Variants in KIF19 observed in about 807,000 individuals in gnomAD.
KIF19 encodes kinesin family member 19.
Under a neutral mutation model 106.6 loss-of-function variants are expected in KIF19, and 98 were observed. The observed-to-expected ratio is 0.92, with a 90% CI of 0.78 to 1.09. KIF19 has a LOEUF of 1.09. Ranked by LOEUF, KIF19 falls within the 50% of genes least tolerant of loss-of-function variation. The pLI is 0.00. For missense variants in KIF19, 1,373 were observed against 1,414.3 expected, an observed-to-expected ratio of 0.97 and a Z score of 0.47; for synonymous variants, 516 against 584.2, an observed-to-expected ratio of 0.88 and a Z score of 1.68.
rs1395317066 is a variant in KIF19 at position 74,350,756 on chromosome 17, C to T, written c.1438C>T (p.Arg480Ter). ...RRALKWREEQ[R>*]KECYAKDDSE... ...GGCCCTCAAATGGCGGGAGGAGCAG[C>T]GAAAGGAGTGCTACGCTAAGGACGA... The change falls in exon 12 of 20, where the codon CGA becomes TGA. Residue 480 changes from arginine to a stop codon, truncating the protein, a stop_gained. Transcript: ENST00000389916. LOFTEE classifies it high-confidence loss of function. 1.3e-5 allele frequency: 21 copies of T among 1,613,798 alleles called. No homozygotes were observed. The East Asian group carries it at 3.1e-4, about 24-fold the overall frequency.
At position 74,342,737 on chromosome 17, in the gene KIF19, T is replaced by C; in HGVS notation, c.319+20T>C. On this transcript the variant is annotated intron_variant, in intron 4 of 19. Coordinates refer to ENST00000389916, the MANE Select transcript of KIF19 (RefSeq NM_153209.4). ...CCACAGGTAAGGGGAATGCCCAGAC[T>C]GTGGGCGAGGACCGCAATGCCCCTG... The C allele has an allele frequency of 6.2e-7, 1 of 1,606,306 alleles. No homozygotes were observed. The highest frequency in any genetic ancestry group is 1.1e-5 in the South Asian group (1 of 90,962).
intron 1 of KIF19, among the ~76,000 whole-genome samples, chr17:74,327,467 C>CTTTTG (rs372089417): frequency 1.8e-4 from 27 of 152,244 alleles, no homozygotes; most frequent in East Asian, 3.9e-4. Flanking sequence ...CTGAAAGTGC[C>CTTTTG]TTTTGTTTTG....
intron 7 of KIF19, among the ~76,000 whole-genome samples, chr17:74,345,735 C>T (rs1026272980): frequency 7.9e-5 from 12 of 152,144 alleles, no homozygotes; most frequent in African/African-American, 1.4e-4. Flanking sequence ...CATCTGGGGT[C>T]GGATCCGAAC....
rs567683553 is a variant in KIF19, at chr17:74,344,698, G to T, written c.583-63G>T. 6 of 1,520,866 alleles carry T rather than the reference G, an allele frequency of 3.9e-6. No individual in the cohort carries two copies. The South Asian group carries it at 7.3e-5, about 19-fold the overall frequency. The allele number at this position is 1,520,866 out of a possible 1,614,324, so 94.2% of individuals were successfully genotyped here. On this transcript the variant is annotated intron_variant, in intron 6 of 19. Coordinates refer to ENST00000389916, the MANE Select transcript of KIF19 (RefSeq NM_153209.4). Reference sequence around the variant, plus strand: ...ACCCTCCCTGCTAGCCCCCTCAGGGGCTCCTCTCTGCCGGAGCACCTACGG... The same window carrying T: ...ACCCTCCCTGCTAGCCCCCTCAGGGTCTCCTCTCTGCCGGAGCACCTACGG...
chr17:74,348,367 A>G (rs2054597617), intron 9 of KIF19, among the ~76,000 whole-genome samples: 1 of 152,254 alleles, frequency 6.6e-6, no homozygotes, highest in Non-Finnish European at 1.5e-5. Context: ...GTGACTTCCC[A>G]GCTGGCCAGT....
intron 2 of KIF19, among the ~76,000 whole-genome samples, chr17:74,332,004 C>T (rs1219054365): frequency 6.6e-6 from 1 of 152,098 alleles, no homozygotes; most frequent in Non-Finnish European, 1.5e-5. Flanking sequence ...AGGCACAGTG[C>T]ATAACACAGT....
rs1261898541 is a variant in KIF19 at position 74,347,845 on chromosome 17, G to A, written c.993G>A (p.Glu331=). The part of the protein sequence containing the change: ...AHISPASSAF[E]ESRNTLTYAG... ...TCAGTCCTGCGAGCAGTGCCTTCGA[G>A]GAGTCCCGGAACACCCTGACCTACG... Residue 331 remains glutamate (E), a synonymous_variant, in exon 9 of 20, where the codon GAG becomes GAA. Coordinates refer to ENST00000389916, the MANE Select transcript of KIF19 (RefSeq NM_153209.4). 6.3e-7 allele frequency: 1 copy of A among 1,586,586 alleles called. No homozygotes were observed. The highest frequency in any genetic ancestry group is 1.8e-5 in the Admixed American group (1 of 55,932).
chr17:74,347,044 A>T (rs1410857591), intron 8 of KIF19, among the ~76,000 whole-genome samples: 3 of 152,156 alleles, frequency 2.0e-5, no homozygotes, highest in Non-Finnish European at 4.4e-5. Flanking sequence ...ACATTTGCAG[A>T]TGAGGAAACT....
chr17:74,345,694 C>CAGAA (rs1424170914), intron 7 of KIF19, among the ~76,000 whole-genome samples: 1 of 152,138 alleles, frequency 6.6e-6, no homozygotes, highest in Non-Finnish European at 1.5e-5. Context: ...ATGACAGTGC[C>CAGAA]AGAAAGAATG....
chr17:74,329,543 G>A (rs1428810152), intron 2 of KIF19: 1 of 151,496 alleles, frequency 6.6e-6, no homozygotes, highest in Non-Finnish European at 1.5e-5. Flanking sequence ...TGCATGAGGG[G>A]AGAAATGTTG....
Position 74,353,200 on chromosome 17 carries a change from G to T in KIF19, c.2119G>T (p.Gly707Cys). The T allele has an allele frequency of 6.3e-7, 1 of 1,583,146 alleles. No homozygotes were observed. The highest frequency in any genetic ancestry group is 8.6e-7 in the Non-Finnish European group (1 of 1,164,830). ...ATCTTCCTCTGCCAACTTCAGTGAA[G>T]GCCACCACGTGTTCAAGGCTGGTAC... The part of the protein sequence containing the change: ...ALPPLSTESE[G>C]HHVFKAGTGA... The change falls in exon 16 of 20, where the codon GGC becomes TGC. Residue 707 changes from glycine to cysteine, a missense_variant. Transcript: ENST00000389916.
chr17:74,327,401 G>T (rs1012865831), intron 1 of KIF19, among the ~76,000 whole-genome samples: 1 of 152,262 alleles, frequency 6.6e-6, no homozygotes, highest in African/African-American at 2.4e-5. Context: ...CCTCCCGCCA[G>T]TGGAATTTGG....
At chr17:74,354,685 C>T in intron 18 of KIF19, 97 bp from the exon 19 acceptor site, 3 of 1,519,530 alleles carry the variant, frequency 2.0e-6, no homozygotes, top group African/African-American at 1.4e-5. Context: ...CCACCCTCCA[C>T]AGTCTCTGTC....
chr17:74,354,568 AG>A lies in KIF19; in HGVS notation c.2706+11del. 6.3e-7 allele frequency: 1 copy of A among 1,585,344 alleles called. No individual in the cohort carries two copies. The highest frequency in any genetic ancestry group is 1.3e-5 in the African/African-American group (1 of 74,572). The stretch of plus-strand genomic sequence containing the variant: ...AGGTCACCGGGCAAGGGGTGAGGCG[AG>A]GCGCAGGGGTGGGTGTCTAGGCACT... On this transcript the variant is annotated intron_variant, in intron 18 of 19. Coordinates refer to ENST00000389916, the MANE Select transcript of KIF19 (RefSeq NM_153209.4).
At chr17:74,355,050 G>A (rs2054840651) in intron 19 of KIF19, 109 bp downstream of exon 19, 1 of 1,545,512 alleles carries the variant, frequency 6.5e-7, no homozygotes, top group South Asian at 1.2e-5. Flanking sequence ...CTGGAAGCAT[G>A]GTTCTAGCAG....
At position 74,350,701 on chromosome 17, in the gene KIF19, C is replaced by T. The variant is rs371977905; in HGVS notation, c.1389-6C>T. The T allele has an allele frequency of 5.0e-6, 8 of 1,613,338 alleles. No individual in the cohort carries two copies. The highest frequency in any genetic ancestry group is 4.4e-5 in the South Asian group (4 of 91,064). ...TGCCCTGTCTCTCTGGGTGGGGCTG[C>T]GGCAGCTGGAAGCATGAGAAGTCCC... On this transcript the variant is annotated splice_region_variant and splice_polypyrimidine_tract_variant and intron_variant, in intron 11 of 19. Coordinates refer to ENST00000389916, the MANE Select transcript of KIF19 (RefSeq NM_153209.4).
intron 17 of KIF19, 136 bp from the exon 18 acceptor site, chr17:74,354,026 C>G: frequency 1.0e-6 from 1 of 994,036 alleles, no homozygotes; most frequent in South Asian, 1.6e-5. Flanking sequence ...GCCCAAGTTT[C>G]TTACATAGCA....
At chr17:74,354,724 T>C in intron 18 of KIF19, 58 bp from the exon 19 acceptor site, 1 of 1,533,288 alleles carries the variant, frequency 6.5e-7, no homozygotes, top group Non-Finnish European at 8.8e-7. Flanking sequence ...CTGGGACAGA[T>C]CCTGGTAGCA....
rs745725314 is a variant in KIF19, at chr17:74,341,960, G to A, written c.205G>A (p.Val69Met). 4.3e-6 allele frequency: 7 copies of A among 1,613,248 alleles called. No homozygotes were observed. The highest frequency in any genetic ancestry group is 2.2e-5 in the East Asian group (1 of 44,854). Residue 69 changes from valine to methionine, a missense_variant, in exon 3 of 20, where the codon GTG (valine) becomes ATG (methionine). Val to Met is a conservative substitution (Grantham distance 21). Coordinates refer to ENST00000389916, the MANE Select transcript of KIF19 (RefSeq NM_153209.4). Reference sequence around the variant, plus strand: ...CCGGGAGAAGTCCTACCTGTTCGACGTGGCCTTTGACTTCACCGCCACCCA... The same window carrying A: ...CCGGGAGAAGTCCTACCTGTTCGACATGGCCTTTGACTTCACCGCCACCCA... ...RSREKSYLFD[V>M]AFDFTATQEM...
Sources: gnomAD v4.1 joint callset for allele counts (sites outside exome capture counted in the v4.1 genomes callset) on GRCh38, gnomAD v4.1.1 for gene constraint, MANE v1.5 for transcripts, NCBI Gene and HGNC (gene_info 2026-07-23, HGNC 2026-07-21) for gene names.